ENTPD1: variants seen among roughly 807,000 people sequenced by gnomAD.
The protein encoded by ENTPD1 is ectonucleoside triphosphate diphosphohydrolase 1, also known as ATP diphosphohydrolase.
A neutral mutation model predicts 57.0 loss-of-function variants in ENTPD1; 33 were observed. The ratio of observed to expected loss-of-function variants is 0.58; its 90% CI spans 0.44 to 0.77. The LOEUF (loss-of-function observed/expected upper bound fraction) is 0.77. Ranked by LOEUF, ENTPD1 falls within the 30% of genes least tolerant of loss-of-function variation. The pLI, the probability that ENTPD1 is intolerant of heterozygous loss-of-function variation, is 0.00. For synonymous variants in ENTPD1, 202 were observed against 218.8 expected, an observed-to-expected ratio of 0.92 and a Z score of 0.68; for missense variants, 501 against 603.4, an observed-to-expected ratio of 0.83 and a Z score of 1.78.
intron 1 of ENTPD1, among the ~76,000 whole-genome samples, chr10:95,810,839 T>C (rs184985027): frequency 6.6e-6 from 1 of 152,194 alleles, no homozygotes; most frequent in African/African-American, 2.4e-5. Flanking sequence ...CCACCTACCT[T>C]CCTCCTCACT....
intron 1 of ENTPD1, among the ~76,000 whole-genome samples, chr10:95,778,293 A>G (rs1018892384): frequency 2.6e-5 from 4 of 152,166 alleles, no homozygotes; most frequent in African/African-American, 9.7e-5. Context: ...AGATGTTTCT[A>G]ATGACAGACA....
intron 1 of ENTPD1, among the ~76,000 whole-genome samples, chr10:95,729,399 CTGCTGTA>C (rs2097987038): frequency 6.6e-6 from 1 of 152,136 alleles, no homozygotes; most frequent in Non-Finnish European, 1.5e-5. Flanking sequence ...CAGTCTTAAG[CTGCTGTA>C]TGTGTTATGC....
chr10:95,847,759 T>C (rs1433640091), intron 7 of ENTPD1, 53 bp downstream of exon 7: 1 of 1,611,316 alleles, frequency 6.2e-7, no homozygotes, highest in African/African-American at 1.3e-5. Context: ...AGTTATAGAA[T>C]ATGTGCCTAC....
chr10:95,776,398 A>C (rs2098134172), intron 1 of ENTPD1, among the ~76,000 whole-genome samples: 1 of 152,098 alleles, frequency 6.6e-6, no homozygotes, highest in South Asian at 2.1e-4. Flanking sequence ...TCACTTATGA[A>C]GCTTAGTTTG....
At chr10:95,810,074 G>A (rs1420339453) in intron 1 of ENTPD1, among the ~76,000 whole-genome samples, 63 of 135,974 alleles carry the variant, frequency 4.6e-4, no homozygotes, top group African/African-American at 1.2e-3. Context: ...GGTCGCGGTC[G>A]GGCAGAGGCA....
In ENTPD1 at chr10:95,847,621, T is replaced by C; in HGVS notation, c.989T>C (p.Leu330Pro). Residue 330 changes from leucine to proline, a missense_variant, in exon 7 of 10, where the codon CTG becomes CCG. By Grantham distance (98) the Leu-to-Pro change is moderately conservative. Coordinates refer to ENST00000371205, the MANE Select transcript of ENTPD1 (RefSeq NM_001776.6). ...TATCAACAATGCCATCAAAGCATCC[T>C]GGAGCTCTTCAACACCAGTTACTGC... ...GNYQQCHQSI[L>P]ELFNTSYCPY... is the part of the protein sequence containing the mutation. 2 of 1,614,232 alleles carry C rather than the reference T, an allele frequency of 1.2e-6. No homozygotes were observed. Among genetic ancestry groups the C allele is most frequent in the Non-Finnish European group, 1.7e-6 (2 of 1,180,032 alleles).
At chr10:95,848,713 T>C (rs1218403888) in intron 7 of ENTPD1, among the ~76,000 whole-genome samples, 1 of 152,234 alleles carries the variant, frequency 6.6e-6, no homozygotes, top group Non-Finnish European at 1.5e-5. Flanking sequence ...ACACACATTT[T>C]GCAGAAGTGC....
In ENTPD1 at chr10:95,771,568, G is replaced by C. The variant is rs540443040; in HGVS notation, c.16+15313G>C. ...TTTTCTTCCTACCATGCTTTCTATA[G>C]CATTTCAGCCTCCTTTTAGTGATGT... is the stretch of plus-strand genomic sequence containing the variant. On this transcript the variant is annotated intron_variant, in intron 1 of 9. Transcript: ENST00000371205. Among the ~76,000 whole-genome samples, 106 of 152,234 alleles carry C rather than the reference G, an allele frequency of 7.0e-4. 1 individual carries two copies. The highest frequency in any genetic ancestry group is 2.5e-3 in the African/African-American group (103 of 41,548).
intron 1 of ENTPD1, among the ~76,000 whole-genome samples, chr10:95,807,474 C>T (rs866189399): frequency 2.6e-5 from 4 of 152,310 alleles, no homozygotes; most frequent in Middle Eastern, 6.8e-3. Flanking sequence ...CCAGGTGAGG[C>T]GATGCCCCGC....
intron 2 of ENTPD1, among the ~76,000 whole-genome samples, chr10:95,835,558 A>T (rs1337843135): frequency 6.6e-6 from 1 of 152,222 alleles, no homozygotes; most frequent in Non-Finnish European, 1.5e-5. Context: ...TCCCACCAAC[A>T]GTGTGTAAGC....
At chr10:95,824,159 C>A (rs900047350) in intron 2 of ENTPD1, among the ~76,000 whole-genome samples, 3 of 152,102 alleles carry the variant, frequency 2.0e-5, no homozygotes, top group African/African-American at 7.2e-5. Flanking sequence ...TATAAATACA[C>A]CATTTTAAAC....
intron 1 of ENTPD1, among the ~76,000 whole-genome samples, chr10:95,769,546 A>T (rs979927706): frequency 6.6e-6 from 1 of 152,240 alleles, no homozygotes; most frequent in Non-Finnish European, 1.5e-5. Flanking sequence ...GCCACTGTAT[A>T]GCCTTTGGCT....
intron 1 of ENTPD1, among the ~76,000 whole-genome samples, chr10:95,740,980 A>G (rs1174176088): frequency 1.8e-4 from 27 of 152,170 alleles, no homozygotes; most frequent in Admixed American, 1.8e-3. Context: ...CATTTTCCAT[A>G]TTAGTAATAA....
intron 1 of ENTPD1, among the ~76,000 whole-genome samples, chr10:95,775,626 G>GA (rs1216629517): frequency 1.1e-4 from 16 of 152,074 alleles, no homozygotes; most frequent in Admixed American, 9.2e-4. Context: ...GTTGATTTGG[G>GA]TGGAGAGTTC....
intron 7 of ENTPD1, among the ~76,000 whole-genome samples, chr10:95,860,101 T>C (rs1042886866): frequency 5.3e-5 from 8 of 152,180 alleles, no homozygotes; most frequent in Non-Finnish European, 1.5e-5. Flanking sequence ...TCAATAGTGT[T>C]GTATAGAATT....
At chr10:95,756,301 TAGAA>T in intron 1 of ENTPD1, 46 bp downstream of exon 1, 2 of 1,515,246 alleles carry the variant, frequency 1.3e-6, no homozygotes, top group Non-Finnish European at 1.8e-6. Flanking sequence ...AAAAAAAAAA[TAGAA>T]GGAAAAATAA....
At chr10:95,839,915 C>A in intron 3 of ENTPD1, 107 bp downstream of exon 3, 1 of 1,089,026 alleles carries the variant, frequency 9.2e-7, no homozygotes, top group Non-Finnish European at 1.4e-6. Context: ...GCATAGGAAG[C>A]CAAGTGAAGA....
intron 1 of ENTPD1, among the ~76,000 whole-genome samples, chr10:95,736,883 C>T (rs1294288671): frequency 6.6e-6 from 1 of 152,180 alleles, no homozygotes; most frequent in Non-Finnish European, 1.5e-5. Flanking sequence ...CCAGTAGTTT[C>T]TCAGCTTTGT....
chr10:95,729,864 A>G (rs1479766650), intron 1 of ENTPD1, among the ~76,000 whole-genome samples: 9 of 152,228 alleles, frequency 5.9e-5, no homozygotes, highest in Non-Finnish European at 1.5e-5. Context: ...ACAGCGAGAT[A>G]GCCTTAGAGG....
Sources: allele counts gnomAD v4.1 joint callset (sites outside exome capture counted in the v4.1 genomes callset), GRCh38; gene constraint gnomAD v4.1.1; transcripts MANE v1.5; gene names NCBI Gene and HGNC (gene_info 2026-07-23, HGNC 2026-07-21).